Variants in CHUK observed in about 807,000 individuals in gnomAD.
CHUK encodes the protein component of inhibitor of nuclear factor kappa B kinase complex.
A neutral mutation model predicts 104.8 loss-of-function variants in CHUK; 35 were observed. That is an observed-to-expected ratio of 0.33 (90% CI 0.26 to 0.44). CHUK has a LOEUF of 0.44. CHUK is among the 20% of genes least tolerant of loss of function. The probability of loss-of-function intolerance (pLI) is 1.00; values close to 1 mark genes in which losing one functional copy is unlikely to be tolerated. For synonymous variants in CHUK, 276 were observed against 291.9 expected, an observed-to-expected ratio of 0.95 and a Z score of 0.56; for missense variants, 663 against 902.7, an observed-to-expected ratio of 0.73 and a Z score of 3.40.
chr10:100,193,761 A>C (rs1845259518), intron 18 of CHUK: 1 of 606,302 alleles, frequency 1.6e-6, no homozygotes, highest in Non-Finnish European at 2.9e-6. Context: ...ACAGTAGTCA[A>C]GGGCTAAGAG....
At position 100,223,009 on chromosome 10, in the gene CHUK, A is replaced by G. The variant is rs745977583; in HGVS notation, c.201-29T>C. 1.6e-5 allele frequency: 19 copies of G among 1,167,324 alleles called. 1 individual carries two copies. In the South Asian group the frequency reaches 2.3e-4, roughly 14 times the overall value. The allele number at this position is 1,167,324 out of a possible 1,614,324, so 72.3% of individuals were successfully genotyped here. A position where few individuals can be genotyped will look rare whatever the true frequency, so the allele number is the denominator to read the frequency against. On this transcript the variant is annotated intron_variant, in intron 2 of 20. Coordinates refer to ENST00000370397, the MANE Select transcript of CHUK (RefSeq NM_001278.5). ...ATAAGAAAGAAAAACATTACAATAA[A>G]AAAAATTATTTCCAATAAAAAGGGA...
intron 3 of CHUK, 108 bp from the exon 4 acceptor site, chr10:100,222,289 G>T: frequency 1.5e-6 from 1 of 677,886 alleles, no homozygotes; most frequent in Non-Finnish European, 2.6e-6. Flanking sequence ...GAGAAAATAA[G>T]TCATAATAAA....
intron 1 of CHUK, among the ~76,000 whole-genome samples, chr10:100,228,031 C>T (rs1846143208): frequency 6.6e-6 from 1 of 152,152 alleles, no homozygotes; most frequent in Non-Finnish European, 1.5e-5. Flanking sequence ...TAATGAGGAG[C>T]ATTATGATCA....
At chr10:100,216,967 G>A (rs1279335528) in intron 9 of CHUK, among the ~76,000 whole-genome samples, 2 of 152,166 alleles carry the variant, frequency 1.3e-5, no homozygotes, top group African/African-American at 2.4e-5. Flanking sequence ...TGGAAGACGA[G>A]AAAGAGAATA....
chr10:100,201,855 AAAAT>A (rs762372901), intron 14 of CHUK, among the ~76,000 whole-genome samples: 8 of 152,304 alleles, frequency 5.3e-5, no homozygotes, highest in African/African-American at 1.4e-4. Flanking sequence ...CCTGTTTCAA[AAAAT>A]AAATAAATAA....
At chr10:100,221,527 G>T (rs929504006) in intron 4 of CHUK, among the ~76,000 whole-genome samples, 1 of 152,158 alleles carries the variant, frequency 6.6e-6, no homozygotes, top group Non-Finnish European at 1.5e-5. Flanking sequence ...CAATGGTAGG[G>T]GGGGAGAGAA....
intron 10 of CHUK, among the ~76,000 whole-genome samples, chr10:100,208,035 T>C (rs957990476): frequency 6.6e-6 from 1 of 152,196 alleles, no homozygotes; most frequent in African/African-American, 2.4e-5. Context: ...TTACCACCCA[T>C]TTATCCTTTG....
intron 19 of CHUK, among the ~76,000 whole-genome samples, chr10:100,192,154 T>C (rs1845220683): frequency 1.3e-5 from 2 of 152,210 alleles, no homozygotes; most frequent in African/African-American, 4.8e-5. Flanking sequence ...AGAAAATACA[T>C]TGAAAATGTC....
At chr10:100,207,860 T>G (rs916660996) in intron 10 of CHUK, among the ~76,000 whole-genome samples, 1 of 151,478 alleles carries the variant, frequency 6.6e-6, no homozygotes, top group Non-Finnish European at 1.5e-5. Flanking sequence ...AAATTTACTT[T>G]AAAAAAAAAT....
Position 100,202,416 on chromosome 10 carries a change from A to G in CHUK, c.1508-267T>C, listed in dbSNP as rs1302819746. 2.0e-5 allele frequency among the ~76,000 whole-genome samples: 3 copies of G among 152,356 alleles called. No homozygotes were observed. In the East Asian group the frequency reaches 5.8e-4, roughly 29 times the overall value. ...TACGACCAGTGTACTTAGAAGAGAC[A>G]CAGGATACAGATACACAGGGGAGAA... On this transcript the variant is annotated intron_variant, in intron 13 of 20. Coordinates refer to ENST00000370397, the MANE Select transcript of CHUK (RefSeq NM_001278.5).
At chr10:100,203,275 A>G (rs1276852047) in intron 13 of CHUK, among the ~76,000 whole-genome samples, 1 of 152,146 alleles carries the variant, frequency 6.6e-6, no homozygotes, top group Non-Finnish European at 1.5e-5. Context: ...CTAAAGACTT[A>G]GGTGATCTTT....
rs1845144048 is a variant in CHUK, at chr10:100,189,468, TGTA to T, written c.*127_*129del. On this transcript the variant is annotated 3_prime_UTR_variant, in exon 21 of 21. Transcript: ENST00000370397. ...CATGTTCTTCTGATCATAGTAGAAA[TGTA>T]GTTTCTGTTCATAGCCATTTCTTCC... The T allele has an allele frequency of 1.3e-6, 1 of 764,870 alleles. No individual in the cohort carries two copies. Among genetic ancestry groups the T allele is most frequent in the African/African-American group, 1.7e-5 (1 of 58,278 alleles). 47.4% of individuals were successfully genotyped at this position (764,870 alleles called of 1,614,324 possible). A position where few individuals can be genotyped will look rare whatever the true frequency, so the allele number is the denominator to read the frequency against.
downstream of CHUK, chr10:100,187,897 T>C (rs1348592253): frequency 1.3e-5 from 2 of 152,252 alleles, no homozygotes; most frequent in African/African-American, 4.8e-5. Context: ...ATAAGCACTT[T>C]TACTATACTG....
chr10:100,196,153 T>A (rs1845321315), intron 16 of CHUK, among the ~76,000 whole-genome samples: 1 of 152,170 alleles, frequency 6.6e-6, no homozygotes, highest in Admixed American at 6.5e-5. Flanking sequence ...ATTTGAAATC[T>A]TAGATTTTAA....
In CHUK at chr10:100,202,070, T is replaced by C. The variant is rs1031792708; in HGVS notation, c.1569+18A>G. On this transcript the variant is annotated intron_variant, in intron 14 of 20. Transcript: ENST00000370397. Reference sequence around the variant, plus strand: ...ATCAAGAATTAATAAGTATACAGAATGACGTCAATGATTTTACCTCAGCAT... The same window carrying C: ...ATCAAGAATTAATAAGTATACAGAACGACGTCAATGATTTTACCTCAGCAT... The C allele has an allele frequency of 3.8e-6, 6 of 1,568,324 alleles. No individual in the cohort carries two copies. Among genetic ancestry groups the C allele is most frequent in the Non-Finnish European group, 4.4e-6 (5 of 1,139,012 alleles).
At chr10:100,213,486 CAAAA>C (rs112195586) in intron 9 of CHUK, among the ~76,000 whole-genome samples, 1 of 125,830 alleles carries the variant, frequency 7.9e-6, no homozygotes, top group Non-Finnish European at 1.8e-5. Flanking sequence ...ACTCTTATCT[CAAAA>C]AAAAAAAAAA....
intron 2 of CHUK, among the ~76,000 whole-genome samples, chr10:100,223,726 A>T (rs961891502): frequency 6.6e-6 from 1 of 152,234 alleles, no homozygotes; most frequent in African/African-American, 2.4e-5. Flanking sequence ...CAAGTTTGAG[A>T]ATCAAAATGG....
chr10:100,192,813 T>C, intron 19 of CHUK: 1 of 816,510 alleles, frequency 1.2e-6, no homozygotes, highest in Non-Finnish European at 1.5e-6. Context: ...GAAAAAAGTC[T>C]AATCTTAGAA....
At chr10:100,195,583 A>G (rs1845306701) in intron 16 of CHUK, 1 of 152,254 alleles carries the variant, frequency 6.6e-6, no homozygotes, top group African/African-American at 2.4e-5. Flanking sequence ...GAGCTTTCTC[A>G]TATAACTAGC....
Sources: gnomAD v4.1 joint callset for allele counts (sites outside exome capture counted in the v4.1 genomes callset) on GRCh38, gnomAD v4.1.1 for gene constraint, MANE v1.5 for transcripts, NCBI Gene and HGNC (gene_info 2026-07-23, HGNC 2026-07-21) for gene names.